The following KCNH8 variants were observed in gnomAD, a reference collection of about 807,000 sequenced individuals.
KCNH8 encodes the protein potassium voltage-gated channel subfamily H member 8.
In KCNH8, 70 loss-of-function variants were observed where a neutral mutation model predicts 103.6. The ratio of observed to expected loss-of-function variants is 0.68; its 90% CI spans 0.56 to 0.82. The LOEUF (loss-of-function observed/expected upper bound fraction) is 0.82. Among genes scored for constraint, KCNH8 ranks in the 40% least tolerant of loss-of-function variants. The pLI is 0.00. For missense variants in KCNH8, 1,217 were observed against 1,329.9 expected, an observed-to-expected ratio of 0.92 and a Z score of 1.32; for synonymous variants, 498 against 489.4, an observed-to-expected ratio of 1.02 and a Z score of -0.23.
intron 3 of KCNH8, among the ~76,000 whole-genome samples, chr3:19,314,040 A>G (rs1471892590): frequency 1.3e-5 from 2 of 151,974 alleles, no homozygotes; most frequent in African/African-American, 4.8e-5. Flanking sequence ...CCTACATATA[A>G]AAACCTAGAA....
At chr3:19,509,129 A>G (rs2068742621) in intron 11 of KCNH8, among the ~76,000 whole-genome samples, 1 of 152,250 alleles carries the variant, frequency 6.6e-6, no homozygotes, top group Admixed American at 6.5e-5. Context: ...GAATTATTAC[A>G]AAACTTATGT....
chr3:19,362,002 C>T (rs1318760149), intron 5 of KCNH8, among the ~76,000 whole-genome samples: 1 of 151,970 alleles, frequency 6.6e-6, no homozygotes, highest in Non-Finnish European at 1.5e-5. Flanking sequence ...TGTAAATGGG[C>T]AAAGAAGTAG....
At chr3:19,347,224 C>T (rs149800980) in intron 4 of KCNH8, among the ~76,000 whole-genome samples, 1 of 152,018 alleles carries the variant, frequency 6.6e-6, no homozygotes, top group Non-Finnish European at 1.5e-5. Context: ...GAAATGTAAA[C>T]TGTTTACAAT....
intron 1 of KCNH8, among the ~76,000 whole-genome samples, chr3:19,176,968 A>G (rs28412409): frequency 0.04 from 6,050 of 152,184 alleles, 437 homozygotes; most frequent in African/African-American, 0.14. Context: ...TTTTTGATTT[A>G]TTACCAGTGA....
intron 7 of KCNH8, among the ~76,000 whole-genome samples, chr3:19,402,883 T>C (rs2066634223): frequency 6.6e-6 from 1 of 151,878 alleles, no homozygotes. Flanking sequence ...TACTGTACGA[T>C]TATAGGCCAC....
At chr3:19,502,606 C>T (rs2068609725) in intron 11 of KCNH8, among the ~76,000 whole-genome samples, 1 of 152,034 alleles carries the variant, frequency 6.6e-6, no homozygotes, top group Non-Finnish European at 1.5e-5. Flanking sequence ...AGAACAGAGC[C>T]CTCAGAAATA....
chr3:19,218,915 AC>A (rs1289079649), intron 1 of KCNH8, among the ~76,000 whole-genome samples: 1 of 152,142 alleles, frequency 6.6e-6, no homozygotes, highest in Non-Finnish European at 1.5e-5. Flanking sequence ...TTAGGGGCCC[AC>A]CTTATTCCAG....
chr3:19,232,272 G>A (rs1048742984), intron 1 of KCNH8, among the ~76,000 whole-genome samples: 8 of 152,302 alleles, frequency 5.3e-5, no homozygotes, highest in African/African-American at 1.9e-4. Context: ...TGGTTGCCAA[G>A]AAGATAATCT....
At position 19,294,201 on chromosome 3, in the gene KCNH8, G is replaced by A. The variant is rs1004375691; in HGVS notation, c.442+12872G>A. On this transcript the variant is annotated intron_variant, in intron 3 of 15. Transcript: ENST00000328405. The stretch of plus-strand genomic sequence containing the variant: ...GTTAAGTTTACAAGAATCTCAATTT[G>A]GTCAAAATTTTGAAGATAATTGAAG... Among the ~76,000 whole-genome samples the A allele has an allele frequency of 4.5e-4, 69 of 151,664 alleles. 2 individuals carry two copies. Among genetic ancestry groups the A allele is most frequent in the Non-Finnish European group, 1.8e-4 (12 of 67,948 alleles).
intron 7 of KCNH8, among the ~76,000 whole-genome samples, chr3:19,420,308 A>G (rs2066931922): frequency 1.3e-5 from 2 of 152,108 alleles, no homozygotes; most frequent in South Asian, 4.1e-4. Flanking sequence ...CTTTTTTGCT[A>G]TATTGAAGCC....
chr3:19,524,302 TAAAC>T (rs1404827491), intron 15 of KCNH8, among the ~76,000 whole-genome samples: 11 of 151,890 alleles, frequency 7.2e-5, no homozygotes, highest in Non-Finnish European at 1.3e-4. Flanking sequence ...AAGCAAAACA[TAAAC>T]AAAGACTGTA....
chr3:19,418,734 T>C (rs925149335), intron 7 of KCNH8, among the ~76,000 whole-genome samples: 6 of 152,186 alleles, frequency 3.9e-5, no homozygotes, highest in Non-Finnish European at 7.3e-5. Flanking sequence ...TCTTGATTGA[T>C]ATAATAATTT....
chr3:19,318,572 A>G (rs1481104094), intron 3 of KCNH8, among the ~76,000 whole-genome samples: 2 of 151,132 alleles, frequency 1.3e-5, no homozygotes, highest in African/African-American at 2.4e-5. Context: ...ATGGTCTCCA[A>G]TTCCATCCAG....
chr3:19,180,140 G>T (rs552571923), intron 1 of KCNH8, among the ~76,000 whole-genome samples: 1 of 152,150 alleles, frequency 6.6e-6, no homozygotes, highest in Admixed American at 6.5e-5. Context: ...GAGAAAATAT[G>T]CTAGGATAGC....
rs532522579 is a variant in KCNH8, at chr3:19,433,227, C to A, written c.1178-4937C>A. 3.9e-5 allele frequency among the ~76,000 whole-genome samples: 6 copies of A among 152,200 alleles called. No individual in the cohort carries two copies. The South Asian group carries it at 1.2e-3, about 32-fold the overall frequency. On this transcript the variant is annotated intron_variant, in intron 7 of 15. Transcript: ENST00000328405. ...CAAGTGGCACATTTTTGTGACAGTA[C>A]TAACAGTATATAATATTGCTTGCCC...
intron 1 of KCNH8, among the ~76,000 whole-genome samples, chr3:19,187,518 A>G (rs2063514473): frequency 6.6e-6 from 1 of 152,070 alleles, no homozygotes. Flanking sequence ...CACTTCACTC[A>G]TAAGACTAAC....
At chr3:19,489,436 A>G (rs1228969614) in intron 11 of KCNH8, among the ~76,000 whole-genome samples, 3 of 152,028 alleles carry the variant, frequency 2.0e-5, no homozygotes, top group East Asian at 1.9e-4. Flanking sequence ...ATCTATATGT[A>G]TATACGGGAA....
intron 8 of KCNH8, among the ~76,000 whole-genome samples, chr3:19,440,040 G>C (rs1575069083): frequency 6.6e-6 from 1 of 151,904 alleles, no homozygotes; most frequent in East Asian, 1.9e-4. Context: ...AAGACAGAAA[G>C]AAACAAACTT....
chr3:19,275,542 G>C (rs1023258371), intron 2 of KCNH8, among the ~76,000 whole-genome samples: 5 of 152,118 alleles, frequency 3.3e-5, no homozygotes, highest in African/African-American at 1.2e-4. Context: ...GCCTATATGA[G>C]CTGCATTGTA....
Sources: allele counts gnomAD v4.1 joint callset (sites outside exome capture counted in the v4.1 genomes callset), GRCh38; gene constraint gnomAD v4.1.1; transcripts MANE v1.5; gene names NCBI Gene and HGNC (gene_info 2026-07-23, HGNC 2026-07-21).